CACNA2D1: variants seen among roughly 807,000 people sequenced by gnomAD.
The protein encoded by CACNA2D1 is voltage-dependent calcium channel subunit alpha-2/delta-1.
Under a neutral mutation model 171.5 loss-of-function variants are expected in CACNA2D1, and 53 were observed. The observed-to-expected ratio is 0.31, with a 90% CI of 0.25 to 0.39. CACNA2D1 has a LOEUF of 0.39. Among genes scored for constraint, CACNA2D1 ranks in the 10% least tolerant of loss-of-function variants. CACNA2D1 has a pLI of 1.00. For synonymous variants in CACNA2D1, 442 were observed against 443.1 expected (o/e 1.00, Z 0.03); for missense variants, 903 against 1,299.8 (o/e 0.69, Z 4.69).
At chr7:82,095,755 G>C (rs1382578786) in intron 6 of CACNA2D1, among the ~76,000 whole-genome samples, 1 of 152,138 alleles carries the variant, frequency 6.6e-6, no homozygotes, top group African/African-American at 2.4e-5. Context: ...CATCATATCT[G>C]ACCAAGTACA....
intron 6 of CACNA2D1, among the ~76,000 whole-genome samples, chr7:82,103,575 A>T (rs190367322): frequency 1.3e-5 from 2 of 152,270 alleles, no homozygotes; most frequent in Non-Finnish European, 2.9e-5. Context: ...CAGTTACTCA[A>T]ATTTACATTT....
intron 3 of CACNA2D1, among the ~76,000 whole-genome samples, chr7:82,332,440 A>G (rs1227413362): frequency 2.6e-5 from 4 of 152,048 alleles, no homozygotes; most frequent in Non-Finnish European, 5.9e-5. Flanking sequence ...CTACACTACA[A>G]CAATATCTTG....
chr7:81,952,581 C>T (rs927417389), intron 38 of CACNA2D1, among the ~76,000 whole-genome samples: 16 of 152,078 alleles, frequency 1.1e-4, no homozygotes, highest in African/African-American at 2.2e-4. Flanking sequence ...CCTTGAAATA[C>T]GTTCTCATGT....
chr7:82,014,339 C>A (rs1800163226), intron 13 of CACNA2D1, 62 bp downstream of exon 13: 2 of 855,144 alleles, frequency 2.3e-6, no homozygotes. Context: ...AATAAGTACA[C>A]CTAATAACAA....
intron 1 of CACNA2D1, among the ~76,000 whole-genome samples, chr7:82,393,688 G>C (rs1825449852): frequency 6.6e-6 from 1 of 152,084 alleles, no homozygotes; most frequent in African/African-American, 2.4e-5. Context: ...ATGCTGCACT[G>C]TATTTATACT....
intron 7 of CACNA2D1, among the ~76,000 whole-genome samples, chr7:82,081,561 C>T (rs1469601877): frequency 1.3e-5 from 2 of 152,232 alleles, no homozygotes; most frequent in East Asian, 3.9e-4. Context: ...ATGAATTCAG[C>T]CTGTTATTTG....
intron 1 of CACNA2D1, among the ~76,000 whole-genome samples, chr7:82,424,133 C>T (rs541871707): frequency 6.6e-6 from 1 of 152,246 alleles, no homozygotes; most frequent in Non-Finnish European, 1.5e-5. Flanking sequence ...CTTACTCTGA[C>T]CAGTGTTCCC....
chr7:82,139,945 C>CTATTATTATTATTATTATTAT (rs4018980), intron 4 of CACNA2D1, among the ~76,000 whole-genome samples: 24 of 142,956 alleles, frequency 1.7e-4, no homozygotes, highest in East Asian at 6.1e-4. Context: ...ACACACCTGG[C>CTATTATTATTATTATTATTAT]TATTATTATT....
rs1794431822 is a variant in CACNA2D1, at chr7:81,963,914, C to G, written c.2780+142G>C. 3 of 690,462 alleles carry G rather than the reference C, an allele frequency of 4.3e-6. No individual in the cohort carries two copies. In the South Asian group the frequency reaches 5.1e-5, roughly 12 times the overall value. The allele number at this position is 690,462 out of a possible 1,614,324, so 42.8% of individuals were successfully genotyped here. On this transcript the variant is annotated intron_variant, in intron 34 of 38. Coordinates refer to ENST00000356860, the MANE Select transcript of CACNA2D1 (RefSeq NM_000722.4). ...ACTTAGGAAAAACTATAAATATTAC[C>G]AATAGGTGATGTAAAGAATGAAAAC...
intron 1 of CACNA2D1, among the ~76,000 whole-genome samples, chr7:82,439,830 T>A (rs1442226273): frequency 2.6e-5 from 4 of 151,978 alleles, no homozygotes; most frequent in Non-Finnish European, 5.9e-5. Context: ...AGTTTATTAA[T>A]GTTCACTGTT....
At chr7:82,383,471 G>A (rs936295771) in intron 1 of CACNA2D1, among the ~76,000 whole-genome samples, 1 of 152,164 alleles carries the variant, frequency 6.6e-6, no homozygotes, top group Non-Finnish European at 1.5e-5. Context: ...ATAGTTACAT[G>A]GGAAAAGGGA....
At chr7:81,973,109 GA>G (rs1770146071) in intron 25 of CACNA2D1, among the ~76,000 whole-genome samples, 3 of 152,070 alleles carry the variant, frequency 2.0e-5, no homozygotes, top group Admixed American at 1.3e-4. Context: ...TATATGTTAG[GA>G]AAAACATTTC....
intron 3 of CACNA2D1, among the ~76,000 whole-genome samples, chr7:82,209,731 T>C (rs773668801): frequency 6.6e-6 from 1 of 152,176 alleles, no homozygotes; most frequent in Non-Finnish European, 1.5e-5. Flanking sequence ...TCTGAAATAA[T>C]GGAGGTTGTG....
chr7:82,267,292 C>A (rs1807989462), intron 3 of CACNA2D1, among the ~76,000 whole-genome samples: 3 of 152,108 alleles, frequency 2.0e-5, no homozygotes, highest in South Asian at 4.1e-4. Context: ...TATAAAATCC[C>A]TTTACTTACA....
At chr7:82,329,033 C>G (rs758831317) in intron 3 of CACNA2D1, among the ~76,000 whole-genome samples, 1 of 151,780 alleles carries the variant, frequency 6.6e-6, no homozygotes, top group Non-Finnish European at 1.5e-5. Flanking sequence ...GTTAAAATCC[C>G]TACAGATAAA....
chr7:82,443,493 C>T lies in CACNA2D1; in HGVS notation c.-34G>A. 6.3e-7 allele frequency: 1 copy of T among 1,599,980 alleles called. No homozygotes were observed. The highest frequency in any genetic ancestry group is 8.5e-7 in the Non-Finnish European group (1 of 1,173,420). On this transcript the variant is annotated 5_prime_UTR_variant, in exon 1 of 39. Coordinates refer to ENST00000356860, the MANE Select transcript of CACNA2D1 (RefSeq NM_000722.4). The stretch of plus-strand genomic sequence containing the variant: ...TCGAAGATCAATGCCCCCTCCCTGC[C>T]CAAGCGGGGGAAGGAGCGGCGCTGG...
chr7:82,379,460 C>T (rs1823438984), intron 1 of CACNA2D1, among the ~76,000 whole-genome samples: 1 of 152,104 alleles, frequency 6.6e-6, no homozygotes, highest in Admixed American at 6.5e-5. Flanking sequence ...TTCATTATCA[C>T]TTGTAACAAT....
chr7:82,096,952 T>C (rs551404463), intron 6 of CACNA2D1, among the ~76,000 whole-genome samples: 1 of 152,136 alleles, frequency 6.6e-6, no homozygotes, highest in African/African-American at 2.4e-5. Flanking sequence ...AAATCAAATT[T>C]TGCTTTGCAT....
chr7:82,403,060 G>C (rs1381949013), intron 1 of CACNA2D1, among the ~76,000 whole-genome samples: 1 of 152,078 alleles, frequency 6.6e-6, no homozygotes, highest in Non-Finnish European at 1.5e-5. Context: ...CATAAAAAGG[G>C]GAGTATTCAG....
Sources: allele counts gnomAD v4.1 joint callset (sites outside exome capture counted in the v4.1 genomes callset), GRCh38; gene constraint gnomAD v4.1.1; transcripts MANE v1.5; gene names NCBI Gene and HGNC (gene_info 2026-07-23, HGNC 2026-07-21).